Variants in MSRA observed in about 807,000 individuals in gnomAD.
The protein encoded by MSRA is mitochondrial peptide methionine sulfoxide reductase.
In MSRA, 54 loss-of-function variants were observed where a neutral mutation model predicts 31.3. The ratio of observed to expected loss-of-function variants is 1.73; its 90% CI spans 1.39 to 2.17. The LOEUF is 2.17. MSRA is among the 30% of genes most tolerant of loss of function. The pLI is 0.00. For synonymous variants in MSRA, 169 were observed against 116.5 expected, an observed-to-expected ratio of 1.45 and a Z score of -2.90; for missense variants, 507 against 300.9, an observed-to-expected ratio of 1.69 and a Z score of -5.07.
At chr8:10,165,747 C>T (rs376170218) in intron 1 of MSRA, among the ~76,000 whole-genome samples, 2 of 152,206 alleles carry the variant, frequency 1.3e-5, no homozygotes, top group Non-Finnish European at 2.9e-5. Flanking sequence ...GTTTCCCCAT[C>T]TGCCAATTGG....
At chr8:10,407,397 C>G (rs908700476) in intron 5 of MSRA, among the ~76,000 whole-genome samples, 3 of 152,148 alleles carry the variant, frequency 2.0e-5, no homozygotes, top group African/African-American at 7.2e-5. Flanking sequence ...TGGGTGATGG[C>G]TGAGCCTTAG....
intron 3 of MSRA, among the ~76,000 whole-genome samples, chr8:10,284,687 G>T (rs1340015253): frequency 1.3e-5 from 2 of 152,136 alleles, no homozygotes; most frequent in Non-Finnish European, 2.9e-5. Context: ...AGATTCTGGA[G>T]CTACATTATG....
chr8:10,256,619 A>G (rs1181946655), intron 3 of MSRA, among the ~76,000 whole-genome samples: 2 of 152,108 alleles, frequency 1.3e-5, no homozygotes, highest in Admixed American at 1.3e-4. Context: ...TGAGCCACAT[A>G]AGTAAGAAGA....
intron 3 of MSRA, among the ~76,000 whole-genome samples, chr8:10,292,259 A>C (rs1302809147): frequency 6.6e-6 from 1 of 152,124 alleles, no homozygotes; most frequent in Admixed American, 6.5e-5. Context: ...CCCCGTCCGG[A>C]TGAAGGATAA....
chr8:10,141,498 A>T (rs961980883), intron 1 of MSRA, among the ~76,000 whole-genome samples: 1 of 152,236 alleles, frequency 6.6e-6, no homozygotes, highest in Non-Finnish European at 1.5e-5. Context: ...AACCACTAGA[A>T]GTGCGGGGAT....
intron 5 of MSRA, among the ~76,000 whole-genome samples, chr8:10,367,229 C>A (rs750544247): frequency 1.3e-5 from 2 of 152,070 alleles, no homozygotes; most frequent in African/African-American, 2.4e-5. Flanking sequence ...ATCGACAGAT[C>A]ACAAGATGGG....
intron 1 of MSRA, among the ~76,000 whole-genome samples, chr8:10,076,820 G>C (rs1329665699): frequency 6.6e-6 from 1 of 152,094 alleles, no homozygotes; most frequent in Non-Finnish European, 1.5e-5. Context: ...AGAAGGGAGG[G>C]CAGGGATGAG....
At chr8:10,184,332 C>A (rs937937408) in intron 1 of MSRA, among the ~76,000 whole-genome samples, 3 of 151,762 alleles carry the variant, frequency 2.0e-5, no homozygotes, top group Non-Finnish European at 4.4e-5. Context: ...CCTCTAAGCC[C>A]CACCTTAGAC....
intron 5 of MSRA, among the ~76,000 whole-genome samples, chr8:10,371,192 C>G (rs188221217): frequency 6.6e-6 from 1 of 152,064 alleles, no homozygotes. Flanking sequence ...GGAACAAGAT[C>G]GAGAAGGATG....
chr8:10,079,012 T>G (rs1313652306), intron 1 of MSRA, among the ~76,000 whole-genome samples: 1 of 152,172 alleles, frequency 6.6e-6, no homozygotes, highest in African/African-American at 2.4e-5. Flanking sequence ...TTCGTGTTGT[T>G]CCAGTATTCA....
chr8:10,393,992 C>T (rs1806930653), intron 5 of MSRA, among the ~76,000 whole-genome samples: 1 of 152,254 alleles, frequency 6.6e-6, no homozygotes, highest in Non-Finnish European at 1.5e-5. Flanking sequence ...TTTCTGCAAT[C>T]TGTGGCCAAT....
intron 1 of MSRA, among the ~76,000 whole-genome samples, chr8:10,167,852 C>G (rs1730268309): frequency 1.3e-5 from 2 of 152,094 alleles, no homozygotes; most frequent in South Asian, 2.1e-4. Context: ...TGTAACTACC[C>G]CCACCCCTAA....
At chr8:10,341,353 T>G (rs757634777) in intron 5 of MSRA, among the ~76,000 whole-genome samples, 1 of 150,746 alleles carries the variant, frequency 6.6e-6, no homozygotes, top group African/African-American at 2.4e-5. Flanking sequence ...GGAGAGAGAG[T>G]TGGGGGGAGG....
intron 5 of MSRA, among the ~76,000 whole-genome samples, chr8:10,424,874 T>A (rs1029489890): frequency 5.9e-5 from 9 of 152,176 alleles, no homozygotes; most frequent in African/African-American, 2.2e-4. Flanking sequence ...CTTAATGCTG[T>A]CACTTGTGCC....
chr8:10,162,228 G>A (rs748821768), intron 1 of MSRA, among the ~76,000 whole-genome samples: 28 of 152,152 alleles, frequency 1.8e-4, no homozygotes, highest in Non-Finnish European at 3.1e-4. Context: ...ATTTTGGACA[G>A]GGTACTTGCA....
At chr8:10,199,153 A>G (rs1024857047) in intron 1 of MSRA, among the ~76,000 whole-genome samples, 2 of 151,826 alleles carry the variant, frequency 1.3e-5, no homozygotes, top group African/African-American at 2.4e-5. Context: ...GAGCCTGGAG[A>G]AATGGTTTCC....
At chr8:10,161,732 G>C (rs1429035242) in intron 1 of MSRA, among the ~76,000 whole-genome samples, 2 of 152,048 alleles carry the variant, frequency 1.3e-5, no homozygotes, top group African/African-American at 4.8e-5. Flanking sequence ...ACCTTCCTTG[G>C]GTCTCGGGGT....
intron 2 of MSRA, among the ~76,000 whole-genome samples, chr8:10,225,611 A>G (rs1810931747): frequency 6.6e-6 from 1 of 152,226 alleles, no homozygotes; most frequent in Non-Finnish European, 1.5e-5. Flanking sequence ...ATAGAGAGGG[A>G]CTTAAAGAGG....
intron 1 of MSRA, among the ~76,000 whole-genome samples, chr8:10,055,082 G>C (rs77377256): frequency 0.06 from 9,106 of 152,258 alleles, 309 homozygotes; most frequent in Non-Finnish European, 0.077. Flanking sequence ...AGCGGGGCTG[G>C]TGCGAGTGTT....
Sources: gnomAD v4.1 joint callset for allele counts (sites outside exome capture counted in the v4.1 genomes callset) on GRCh38, gnomAD v4.1.1 for gene constraint, MANE v1.5 for transcripts, NCBI Gene and HGNC (gene_info 2026-07-23, HGNC 2026-07-21) for gene names.